Variants in OVCH1 observed in about 807,000 individuals in gnomAD.
OVCH1 encodes ovochymase-1.
A neutral mutation model predicts 138.4 loss-of-function variants in OVCH1; 139 were observed. The ratio of observed to expected loss-of-function variants is 1.00; its 90% CI spans 0.87 to 1.16. The LOEUF (loss-of-function observed/expected upper bound fraction) is 1.16, where lower values mean the gene tolerates loss of function less well. OVCH1 is among the 50% of genes most tolerant of loss of function. The probability of loss-of-function intolerance (pLI) is 0.00; values close to 1 mark genes in which losing one functional copy is unlikely to be tolerated. For synonymous variants in OVCH1, 453 were observed against 467.8 expected (o/e 0.97, Z 0.41); for missense variants, 1,367 against 1,357.9 (o/e 1.01, Z -0.11).
rs77312406 is a variant in OVCH1, at chr12:29,455,981, T to A, written c.2281-576A>T. ...ATACACAGAGAAATTAGGGTGTTGGTGGTGAGGTGAAGAAAAGTTAAAGGC... is the reference window on the plus strand; with the variant it reads ...ATACACAGAGAAATTAGGGTGTTGGAGGTGAGGTGAAGAAAAGTTAAAGGC... On this transcript the variant is annotated intron_variant, in intron 19 of 27. Coordinates refer to ENST00000318184, the Ensembl canonical transcript of OVCH1. Among the ~76,000 whole-genome samples, 914 of 152,274 alleles carry A rather than the reference T, an allele frequency of 6.0e-3. 8 individuals are homozygous for A. Among genetic ancestry groups the A allele is most frequent in the African/African-American group, 0.021 (878 of 41,568 alleles).
chr12:29,465,183 C>G (rs1345183046), exon 17 of OVCH1: 4 of 1,605,362 alleles, frequency 2.5e-6, no homozygotes, highest in African/African-American at 1.3e-5. Flanking sequence ...TGTCATGGTC[C>G]CCAGCAATAA....
chr12:29,485,808 T>TG (rs931309975), intron 8 of OVCH1, among the ~76,000 whole-genome samples: 1 of 149,342 alleles, frequency 6.7e-6, no homozygotes, highest in African/African-American at 2.5e-5. Context: ...CTGGGTGTGG[T>TG]GGGGGGTGCC....
Position 29,496,687 on chromosome 12 carries a change from G to A in OVCH1, c.65-13C>T. 1.3e-6 allele frequency: 2 copies of A among 1,571,314 alleles called. No homozygotes were observed. The highest frequency in any genetic ancestry group is 1.7e-6 in the Non-Finnish European group (2 of 1,145,966). On this transcript the variant is annotated splice_polypyrimidine_tract_variant and intron_variant, in intron 1 of 27. Transcript: ENST00000318184. ...CCACACTTCAGTCCTGTGTAGAAGA[G>A]CATGTGTGTGTGCACACACAGAGCC... is the stretch of plus-strand genomic sequence containing the variant.
intron 19 of OVCH1, among the ~76,000 whole-genome samples, chr12:29,459,380 G>GCACA (rs1942055594): frequency 1.3e-5 from 2 of 152,080 alleles, no homozygotes; most frequent in Non-Finnish European, 2.9e-5. Flanking sequence ...AATAAGCCAG[G>GCACA]CACAGAAAGA....
At chr12:29,450,157 A>C (rs1228614321) in intron 22 of OVCH1, among the ~76,000 whole-genome samples, 1 of 152,200 alleles carries the variant, frequency 6.6e-6, no homozygotes, top group Non-Finnish European at 1.5e-5. Context: ...AAAAGTCAAA[A>C]TTGACAAATA....
At position 29,475,047 on chromosome 12, in the gene OVCH1, A is replaced by C; in HGVS notation, c.1600+14T>G. On this transcript the variant is annotated intron_variant, in intron 14 of 27. Coordinates refer to ENST00000318184, the Ensembl canonical transcript of OVCH1. ...ATAAACAAAAGTCCTTATTACACAA[A>C]TGTTTATACTCACCTGAGGGCAAAA... 1 of 1,574,350 alleles carries C rather than the reference A, an allele frequency of 6.4e-7. No individual in the cohort carries two copies. Among genetic ancestry groups the C allele is most frequent in the Non-Finnish European group, 8.6e-7 (1 of 1,158,974 alleles).
intron 27 of OVCH1, among the ~76,000 whole-genome samples, chr12:29,432,507 G>A (rs1212715812): frequency 1.3e-5 from 2 of 152,160 alleles, no homozygotes; most frequent in African/African-American, 4.8e-5. Context: ...AGAGCTTGGA[G>A]GCAGGGGTAG....
intron 9 of OVCH1, 136 bp from the exon 11 acceptor site, chr12:29,477,614 A>G: frequency 6.2e-7 from 1 of 1,606,010 alleles, no homozygotes; most frequent in Non-Finnish European, 8.5e-7. Flanking sequence ...TCCTTTGATC[A>G]TTCAACATTC....
At chr12:29,492,328 T>TA (rs34341585) in intron 4 of OVCH1, among the ~76,000 whole-genome samples, 76 of 147,870 alleles carry the variant, frequency 5.1e-4, no homozygotes, top group South Asian at 1.3e-3. Context: ...GTTAGTTTCA[T>TA]AAAAAAAAAA....
At chr12:29,452,621 G>C (rs910936923) in intron 21 of OVCH1, among the ~76,000 whole-genome samples, 5 of 152,194 alleles carry the variant, frequency 3.3e-5, no homozygotes, top group Non-Finnish European at 5.9e-5. Context: ...AGATCTTTCA[G>C]AGTCTGGCCT....
rs996788639 is a variant in OVCH1 at position 29,456,750 on chromosome 12, T to C, written c.2281-1345A>G. 7.9e-5 allele frequency among the ~76,000 whole-genome samples: 12 copies of C among 152,230 alleles called. 1 individual carries two copies. Among genetic ancestry groups the C allele is most frequent in the African/African-American group, 2.9e-4 (12 of 41,460 alleles). Reference sequence around the variant, plus strand: ...GTAAGCACTGCATCTGATTCAACTTTGTACCCTAGGAAACCTACCACAATA... The same window carrying C: ...GTAAGCACTGCATCTGATTCAACTTCGTACCCTAGGAAACCTACCACAATA... On this transcript the variant is annotated intron_variant, in intron 19 of 27. Transcript: ENST00000318184.
At chr12:29,473,053 A>G (rs375585726) in exon 15 of OVCH1, 18 of 1,611,282 alleles carry the variant, frequency 1.1e-5, no homozygotes, top group Admixed American at 1.7e-5. Context: ...TTTACGGTAG[A>G]TACAGGATTG....
At position 29,495,634 on chromosome 12, in the gene OVCH1, A is replaced by G. The variant is rs1041521600; in HGVS notation, c.282-177T>C. On this transcript the variant is annotated intron_variant, in intron 3 of 27. Transcript: ENST00000318184. ...TCATATTTTTTTTAATCTAGAAAAA[A>G]TCGTAGTTTTCAGTCATGTTTCCAT... is the stretch of plus-strand genomic sequence containing the variant. 3.3e-5 allele frequency among the ~76,000 whole-genome samples: 5 copies of G among 152,128 alleles called. No homozygotes were observed. The South Asian group carries it at 8.3e-4, about 25-fold the overall frequency.
chr12:29,486,157 C>T, intron 8 of OVCH1, 93 bp downstream of exon 8: 2 of 1,222,816 alleles, frequency 1.6e-6, no homozygotes, highest in Non-Finnish European at 1.2e-6. Flanking sequence ...TTAAATAAAA[C>T]TCAGATTGTG....
intron 9 of OVCH1, among the ~76,000 whole-genome samples, chr12:29,478,420 T>TA (rs892246711): frequency 1.1e-4 from 16 of 151,842 alleles, no homozygotes; most frequent in African/African-American, 2.9e-4. Flanking sequence ...ATAAAAATAA[T>TA]AAAAAAAACT....
At chr12:29,418,744 A>G (rs943200187) in intron 3 of OVCH1, among the ~76,000 whole-genome samples, 4 of 152,200 alleles carry the variant, frequency 2.6e-5, no homozygotes, top group African/African-American at 7.2e-5. Flanking sequence ...TCTTTCTGTT[A>G]CCAGGTTGTC....
At chr12:29,493,574 G>T (rs1943330639) in intron 4 of OVCH1, among the ~76,000 whole-genome samples, 1 of 152,014 alleles carries the variant, frequency 6.6e-6, no homozygotes, top group African/African-American at 2.4e-5. Flanking sequence ...TCTTCTCCGG[G>T]TAATTATTTC....
intron 9 of OVCH1, among the ~76,000 whole-genome samples, 165 bp downstream of exon 10, chr12:29,478,669 TG>T (rs1362043167): frequency 3.8e-4 from 58 of 152,324 alleles, no homozygotes; most frequent in Admixed American, 2.4e-3. Flanking sequence ...TTTTTATTTT[TG>T]TTTTTTTGAG....
chr12:29,463,066 G>A (rs1445679244), intron 18 of OVCH1, among the ~76,000 whole-genome samples: 1 of 152,128 alleles, frequency 6.6e-6, no homozygotes. Flanking sequence ...TTTATTCAAG[G>A]GCTTTGAAGC....
Sources: allele counts gnomAD v4.1 joint callset (sites outside exome capture counted in the v4.1 genomes callset), GRCh38; gene constraint gnomAD v4.1.1; transcripts MANE v1.5; gene names NCBI Gene and HGNC (gene_info 2026-07-23, HGNC 2026-07-21).